PDE1C: variants seen among roughly 807,000 people sequenced by gnomAD.
PDE1C encodes the protein phosphodiesterase 1C.
A neutral mutation model predicts 93.1 loss-of-function variants in PDE1C; 62 were observed. That is an observed-to-expected ratio of 0.67 (90% confidence interval 0.54 to 0.82). The LOEUF (loss-of-function observed/expected upper bound fraction) is 0.82. Among genes scored for constraint, PDE1C ranks in the 40% least tolerant of loss-of-function variants. The pLI is 0.00. For synonymous variants in PDE1C, 325 were observed against 310.1 expected (o/e 1.05, Z -0.50); for missense variants, 742 against 884.6 (o/e 0.84, Z 2.04).
At chr7:31,865,968 C>A (rs1301376528) in intron 6 of PDE1C, among the ~76,000 whole-genome samples, 6 of 152,144 alleles carry the variant, frequency 3.9e-5, no homozygotes, top group African/African-American at 1.4e-4. Context: ...ACCAGTCACT[C>A]AGAATATTTC....
chr7:32,261,247 A>G (rs1585044273), intron 1 of PDE1C, among the ~76,000 whole-genome samples: 1 of 151,952 alleles, frequency 6.6e-6, no homozygotes, highest in Non-Finnish European at 1.5e-5. Context: ...TATTTTGCAG[A>G]CCCCCACACT....
At chr7:31,965,114 CTT>C (rs1440089862) in intron 2 of PDE1C, among the ~76,000 whole-genome samples, 1 of 152,182 alleles carries the variant, frequency 6.6e-6, no homozygotes, top group Non-Finnish European at 1.5e-5. Context: ...CGGAGAATGA[CTT>C]TGACGAGTTG....
intron 2 of PDE1C, among the ~76,000 whole-genome samples, chr7:32,019,381 C>CAA (rs1214665198): frequency 3.3e-5 from 5 of 152,030 alleles, no homozygotes; most frequent in African/African-American, 2.4e-5. Context: ...AAAACACATA[C>CAA]AATATGGTTG....
chr7:31,697,397 G>A, the PDE1C span, among the ~76,000 whole-genome samples: 1 of 152,188 alleles, frequency 6.6e-6, no homozygotes, highest in African/African-American at 2.4e-5. Context: ...ATGTCAGTGG[G>A]TCCTTGAGAA....
intron 1 of PDE1C, among the ~76,000 whole-genome samples, chr7:32,274,619 G>C (rs772992521): frequency 1.2e-4 from 18 of 152,254 alleles, no homozygotes; most frequent in African/African-American, 4.3e-4. Context: ...GGACTGTTAT[G>C]ACTAGATCAG....
At chr7:31,812,740 T>C (rs183936959) in intron 15 of PDE1C, among the ~76,000 whole-genome samples, 5 of 152,274 alleles carry the variant, frequency 3.3e-5, no homozygotes, top group East Asian at 1.9e-4. Flanking sequence ...TTGTCCCTTA[T>C]AGAAAAAGCA....
chr7:31,994,027 C>T (rs1342525101), intron 2 of PDE1C, among the ~76,000 whole-genome samples: 3 of 152,088 alleles, frequency 2.0e-5, no homozygotes, highest in East Asian at 3.9e-4. Context: ...TTCCATGTTG[C>T]TACTGAATCA....
chr7:31,880,161 G>A lies in PDE1C; in HGVS notation c.242+586C>T, dbSNP rs182173908. 8.5e-4 allele frequency among the ~76,000 whole-genome samples: 130 copies of A among 152,178 alleles called. 2 individuals carry two copies. The highest frequency in any genetic ancestry group is 2.3e-3 in the East Asian group (12 of 5,182). On this transcript the variant is annotated intron_variant, in intron 3 of 17. Coordinates refer to ENST00000396191, the MANE Select transcript of PDE1C (RefSeq NM_001191057.4). Reference sequence around the variant, plus strand: ...AGGGGGAAAAAAAACCACACCTTTCGTATTCAACATTTCAACATTTTTCAA... The same window carrying A: ...AGGGGGAAAAAAAACCACACCTTTCATATTCAACATTTCAACATTTTTCAA...
At chr7:32,247,390 T>C (rs1395986433) in intron 1 of PDE1C, among the ~76,000 whole-genome samples, 1 of 148,186 alleles carries the variant, frequency 6.7e-6, no homozygotes, top group African/African-American at 2.5e-5. Flanking sequence ...GAATGATACA[T>C]GGCAAATTCT....
intron 3 of PDE1C, among the ~76,000 whole-genome samples, chr7:32,098,005 C>T (rs1366450942): frequency 2.7e-5 from 4 of 148,776 alleles, no homozygotes; most frequent in Admixed American, 2.0e-4. Flanking sequence ...CCGAGGCGGG[C>T]GGATCACGAG....
chr7:32,312,079 A>G (rs373584308), intron 1 of PDE1C, among the ~76,000 whole-genome samples: 6,536 of 151,214 alleles, frequency 0.043, 198 homozygotes, highest in African/African-American at 0.081. Flanking sequence ...AAATCAATGT[A>G]CAAAAATCAC....
the PDE1C span, among the ~76,000 whole-genome samples, chr7:31,646,307 TG>T: frequency 1.3e-5 from 2 of 152,160 alleles, no homozygotes; most frequent in Admixed American, 6.6e-5. Context: ...TTTGAGAGTC[TG>T]TGAGGTACTA....
chr7:32,084,028 A>C (rs1477344246), intron 3 of PDE1C, among the ~76,000 whole-genome samples: 2 of 151,750 alleles, frequency 1.3e-5, no homozygotes, highest in African/African-American at 4.8e-5. Context: ...AAATGGACTA[A>C]ATGCTCCAAT....
At chr7:31,989,709 G>A (rs2129073494) in intron 2 of PDE1C, among the ~76,000 whole-genome samples, 1 of 152,242 alleles carries the variant, frequency 6.6e-6, no homozygotes, top group Non-Finnish European at 1.5e-5. Flanking sequence ...CCTCCGATTG[G>A]TTAACTGTCT....
chr7:32,314,538 A>G (rs945720658), intron 1 of PDE1C, among the ~76,000 whole-genome samples: 5 of 152,194 alleles, frequency 3.3e-5, no homozygotes, highest in Non-Finnish European at 7.4e-5. Context: ...ACACATGAGG[A>G]AGGGAATGTG....
At chr7:32,407,656 AG>A in intron 1 of PDE1C, among the ~76,000 whole-genome samples, 1 of 152,204 alleles carries the variant, frequency 6.6e-6, no homozygotes, top group Non-Finnish European at 1.5e-5. Context: ...GTACATTTCT[AG>A]GTATCTTGCT....
intron 1 of PDE1C, among the ~76,000 whole-genome samples, chr7:32,259,507 T>C (rs1401771013): frequency 6.6e-6 from 1 of 152,130 alleles, no homozygotes; most frequent in East Asian, 1.9e-4. Flanking sequence ...TGGGGCAAGT[T>C]CCCAAACCCT....
chr7:31,643,528 G>A, the PDE1C span: 1 of 1,613,920 alleles, frequency 6.2e-7, no homozygotes, highest in African/African-American at 1.3e-5. Flanking sequence ...GGTGTCGGCT[G>A]CTCAGAGGGC....
At chr7:31,663,559 T>A in the PDE1C span, among the ~76,000 whole-genome samples, 1 of 152,194 alleles carries the variant, frequency 6.6e-6, no homozygotes, top group African/African-American at 2.4e-5. Flanking sequence ...TCCATAGTTG[T>A]TTTTCTTTGA....
Sources: gnomAD v4.1 joint callset for allele counts (sites outside exome capture counted in the v4.1 genomes callset) on GRCh38, gnomAD v4.1.1 for gene constraint, MANE v1.5 for transcripts, NCBI Gene and HGNC (gene_info 2026-07-23, HGNC 2026-07-21) for gene names.